IL16: variants seen among roughly 807,000 people sequenced by gnomAD.
IL16 encodes interleukin 16, also known as pro-interleukin-16.
IL16 carries 67 observed loss-of-function variants against 110.1 expected under a neutral mutation model. That is an observed-to-expected ratio of 0.61 (90% CI 0.50 to 0.75). IL16 has a LOEUF of 0.75. Ranked by LOEUF, IL16 falls within the 30% of genes least tolerant of loss-of-function variation. IL16 has a pLI of 0.00. For synonymous variants in IL16, 689 were observed against 662.9 expected (o/e 1.04, Z -0.61); for missense variants, 1,545 against 1,655.0 (o/e 0.93, Z 1.15).
chr15:81,259,879 CAGTA>C lies in IL16; in HGVS notation c.421+3_421+6del. 6.3e-7 allele frequency: 1 copy of C among 1,575,592 alleles called. No individual in the cohort carries two copies. Among genetic ancestry groups the C allele is most frequent in the Non-Finnish European group, 8.7e-7 (1 of 1,144,924 alleles). On this transcript the variant is annotated splice_donor_variant and splice_donor_region_variant and coding_sequence_variant and intron_variant, in exon 3 of 19. Coordinates refer to ENST00000683961, the MANE Select transcript of IL16 (RefSeq NM_172217.5). LOFTEE classifies it high-confidence loss of function. ...ACCAAAGGGCACGCAGCAACTCAAC[CAGTA>C]AGTGTCTTCCCAACATGTCTTCAGG...
At chr15:81,228,946 G>C (rs1313793001) in intron 2 of IL16, among the ~76,000 whole-genome samples, 1 of 152,112 alleles carries the variant, frequency 6.6e-6, no homozygotes, top group Non-Finnish European at 1.5e-5. Context: ...ATCTCATATG[G>C]ATATTATAAG....
At chr15:81,240,667 C>T (rs1897310922) in intron 2 of IL16, among the ~76,000 whole-genome samples, 1 of 152,028 alleles carries the variant, frequency 6.6e-6, no homozygotes, top group South Asian at 2.1e-4. Flanking sequence ...GTTATATACT[C>T]ATTCAAACCT....
At chr15:81,284,003 A>AG (rs1477272916) in intron 9 of IL16, among the ~76,000 whole-genome samples, 1 of 127,142 alleles carries the variant, frequency 7.9e-6, no homozygotes, top group Admixed American at 7.9e-5. Context: ...ACCCTGTCTC[A>AG]GAAAAAAAAA....
At chr15:81,238,476 G>A (rs1344896925) in intron 2 of IL16, among the ~76,000 whole-genome samples, 4 of 152,042 alleles carry the variant, frequency 2.6e-5, no homozygotes, top group Non-Finnish European at 5.9e-5. Flanking sequence ...AACTTGTTAT[G>A]CAGCCTATTG....
chr15:81,235,656 G>T (rs1298828202), intron 2 of IL16, among the ~76,000 whole-genome samples: 2 of 152,170 alleles, frequency 1.3e-5, no homozygotes, highest in East Asian at 3.9e-4. Flanking sequence ...CCAGTTGAAT[G>T]TGAGCAGGTC....
At chr15:81,258,749 G>C (rs376316759) in intron 2 of IL16, among the ~76,000 whole-genome samples, 347 of 119,734 alleles carry the variant, frequency 2.9e-3, no homozygotes, top group African/African-American at 0.011. Flanking sequence ...CTCTCTCTCT[G>C]TCACTCGCTC....
chr15:81,252,852 T>G (rs1349927631), intron 2 of IL16, among the ~76,000 whole-genome samples: 1 of 152,226 alleles, frequency 6.6e-6, no homozygotes, highest in Non-Finnish European at 1.5e-5. Flanking sequence ...TATGGATATA[T>G]TCCATTTTAT....
intron 1 of IL16, among the ~76,000 whole-genome samples, chr15:81,207,528 C>A (rs183415593): frequency 6.6e-6 from 1 of 151,978 alleles, no homozygotes; most frequent in East Asian, 1.9e-4. Context: ...CCCACCCACC[C>A]CCTCTAGTAG....
intron 2 of IL16, among the ~76,000 whole-genome samples, chr15:81,252,747 G>A (rs544977273): frequency 5.5e-4 from 84 of 152,176 alleles, no homozygotes; most frequent in African/African-American, 1.6e-3. Flanking sequence ...GTGGTCTCTC[G>A]TGACTGGCTT....
intron 5 of IL16, among the ~76,000 whole-genome samples, chr15:81,271,532 T>C (rs762826212): frequency 1.3e-5 from 2 of 151,810 alleles, no homozygotes; most frequent in Non-Finnish European, 2.9e-5. Flanking sequence ...ACCTGGGAGG[T>C]TGCAGGACTC....
At chr15:81,282,964 G>A (rs1394847812) in intron 9 of IL16, among the ~76,000 whole-genome samples, 1 of 152,218 alleles carries the variant, frequency 6.6e-6, no homozygotes, top group African/African-American at 2.4e-5. Flanking sequence ...ACACTCTTGG[G>A]AGATGCATTT....
At chr15:81,185,461 T>C (rs901991218) in intron 1 of IL16, among the ~76,000 whole-genome samples, 1 of 151,752 alleles carries the variant, frequency 6.6e-6, no homozygotes, top group East Asian at 1.9e-4. Context: ...GTTCAAGTAG[T>C]TCTCCCACCT....
intron 2 of IL16, among the ~76,000 whole-genome samples, chr15:81,240,105 C>T (rs550942152): frequency 1.3e-5 from 2 of 152,174 alleles, no homozygotes; most frequent in South Asian, 4.2e-4. Flanking sequence ...CACTGTGATT[C>T]CTCTTTGGTA....
rs1896750539 is a variant in IL16 at position 81,225,323 on chromosome 15, C to T, written c.-77C>T. Reference sequence around the variant, plus strand: ...GGGACTCATGAAGTGGCAGCTAAGCCCTGTCCAGTGGCCACCCGTCAGCCA... The same window carrying T: ...GGGACTCATGAAGTGGCAGCTAAGCTCTGTCCAGTGGCCACCCGTCAGCCA... On this transcript the variant is annotated 5_prime_UTR_variant, in exon 2 of 19. Coordinates refer to ENST00000683961, the MANE Select transcript of IL16 (RefSeq NM_172217.5). 1.9e-6 allele frequency: 3 copies of T among 1,562,674 alleles called. No individual in the cohort carries two copies. The highest frequency in any genetic ancestry group is 2.6e-6 in the Non-Finnish European group (3 of 1,158,746).
chr15:81,225,025 C>G (rs1747312062), intron 1 of IL16, among the ~76,000 whole-genome samples: 1 of 152,176 alleles, frequency 6.6e-6, no homozygotes, highest in Non-Finnish European at 1.5e-5. Flanking sequence ...GTTGGTACTT[C>G]CCCTCTCTGC....
At chr15:81,217,432 A>G (rs977863143) in intron 1 of IL16, among the ~76,000 whole-genome samples, 1 of 152,212 alleles carries the variant, frequency 6.6e-6, no homozygotes, top group African/African-American at 2.4e-5. Context: ...AACTACCTAA[A>G]GGGGATGCCA....
Position 81,296,987 on chromosome 15 carries a change from T to TA in IL16, c.1963dup (p.Ser655LysfsTer43). The TA allele has an allele frequency of 1.9e-6, 3 of 1,613,858 alleles. No individual in the cohort carries two copies. Among genetic ancestry groups the TA allele is most frequent in the Non-Finnish European group, 2.5e-6 (3 of 1,179,946 alleles). ...AGGAAGACACAGCAGGGAGAAGCCCTAGTGCCTCTGCCGGCTGCCCAGGAC... is the reference window on the plus strand; with the variant it reads ...AGGAAGACACAGCAGGGAGAAGCCCTAAGTGCCTCTGCCGGCTGCCCAGGAC... On this transcript the variant is annotated frameshift_variant, in exon 13 of 19. Transcript: ENST00000683961. LOFTEE classifies it high-confidence loss of function.
At chr15:81,276,263 A>G (rs1468082955) in intron 6 of IL16, among the ~76,000 whole-genome samples, 1 of 152,256 alleles carries the variant, frequency 6.6e-6, no homozygotes, top group Non-Finnish European at 1.5e-5. Context: ...CCCTGTTTCC[A>G]ATACGTAGAC....
intron 7 of IL16, among the ~76,000 whole-genome samples, chr15:81,279,283 TCATC>T (rs1461449057): frequency 1.3e-5 from 2 of 151,918 alleles, no homozygotes; most frequent in Non-Finnish European, 2.9e-5. Context: ...CTCTATCTAT[TCATC>T]CATCTATCTA....
Sources: gnomAD v4.1 joint callset for allele counts (sites outside exome capture counted in the v4.1 genomes callset) on GRCh38, gnomAD v4.1.1 for gene constraint, MANE v1.5 for transcripts, NCBI Gene and HGNC (gene_info 2026-07-23, HGNC 2026-07-21) for gene names.